TMC1: variants seen among roughly 807,000 people sequenced by gnomAD.
TMC1 encodes transmembrane channel like 1, also known as transmembrane channel-like protein 1.
Under a neutral mutation model 105.8 loss-of-function variants are expected in TMC1, and 84 were observed. The observed-to-expected ratio is 0.79, with a 90% CI of 0.67 to 0.95. TMC1 has a LOEUF of 0.95. Among genes scored for constraint, TMC1 ranks in the 40% least tolerant of loss-of-function variants. TMC1 has a pLI of 0.00. For missense variants in TMC1, 817 were observed against 914.1 expected (o/e 0.89, Z 1.37); for synonymous variants, 315 against 311.5 (o/e 1.01, Z -0.12).
chr9:72,562,978 T>C (rs995970500), intron 1 of TMC1, among the ~76,000 whole-genome samples: 5 of 151,878 alleles, frequency 3.3e-5, no homozygotes, highest in African/African-American at 9.7e-5. Context: ...TAAAATAAAA[T>C]AAAAAATAAA....
chr9:72,679,799 ATCTAT>A (rs1826258561), intron 5 of TMC1, among the ~76,000 whole-genome samples: 1 of 152,070 alleles, frequency 6.6e-6, no homozygotes, highest in African/African-American at 2.4e-5. Context: ...TAAGCTTTCA[ATCTAT>A]AGTAATGAAG....
At chr9:72,540,636 G>C (rs1243842358) in intron 1 of TMC1, among the ~76,000 whole-genome samples, 2 of 152,006 alleles carry the variant, frequency 1.3e-5, no homozygotes, top group Non-Finnish European at 2.9e-5. Context: ...TCGCGTGTTG[G>C]TAGTCATTTA....
rs150222590 is a variant in TMC1, at chr9:72,546,660, T to C, written c.-428+24747T>C. Among the ~76,000 whole-genome samples the C allele has an allele frequency of 9.8e-5, 15 of 152,356 alleles. No homozygotes were observed. The East Asian group carries it at 2.9e-3, about 29-fold the overall frequency. On this transcript the variant is annotated intron_variant, in intron 1 of 23. Coordinates refer to ENST00000297784, the MANE Select transcript of TMC1 (RefSeq NM_138691.3). ...ATTTTAAAACCTGCACACAAAATTT[T>C]AAAGACTGAACACAGAATTTTAAAG...
chr9:72,593,451 C>T (rs13284616), intron 2 of TMC1, among the ~76,000 whole-genome samples: 17,934 of 151,512 alleles, frequency 0.12, 1,346 homozygotes, highest in Middle Eastern at 0.19. Flanking sequence ...CAGGCTGGAG[C>T]GCAATGGCAT....
intron 1 of TMC1, among the ~76,000 whole-genome samples, chr9:72,543,579 T>G (rs757853406): frequency 1.3e-5 from 2 of 152,180 alleles, no homozygotes. Context: ...GGTCAGGAGT[T>G]TGAGATCAGC....
chr9:72,809,891 G>A (rs78737209), intron 18 of TMC1, among the ~76,000 whole-genome samples: 3,071 of 152,022 alleles, frequency 0.02, 47 homozygotes, highest in Non-Finnish European at 0.032. Context: ...ACAAGCTCCC[G>A]ATATAAATAG....
chr9:72,716,555 T>C (rs1390417780), intron 8 of TMC1, among the ~76,000 whole-genome samples: 1 of 152,148 alleles, frequency 6.6e-6, no homozygotes, highest in Admixed American at 6.5e-5. Flanking sequence ...CAACTTTGTG[T>C]ACACTGTGAG....
intron 20 of TMC1, among the ~76,000 whole-genome samples, chr9:72,823,861 A>AGATGTGTTTATGCTAG (rs759009314): frequency 3.0e-4 from 45 of 152,378 alleles, no homozygotes; most frequent in Middle Eastern, 3.4e-3. Flanking sequence ...TAGAAAACCT[A>AGATGTGTTTATGCTAG]AACATTGTAG....
intron 1 of TMC1, among the ~76,000 whole-genome samples, chr9:72,561,709 G>A (rs1463282745): frequency 6.6e-6 from 1 of 152,196 alleles, no homozygotes; most frequent in Non-Finnish European, 1.5e-5. Context: ...AGCAGAGGTA[G>A]TGAGTTCAGA....
chr9:72,523,880 A>T (rs1026483976), intron 1 of TMC1, among the ~76,000 whole-genome samples: 3 of 152,194 alleles, frequency 2.0e-5, no homozygotes, highest in Non-Finnish European at 4.4e-5. Context: ...TATTAAAAGA[A>T]CTCAAAGCCG....
chr9:72,583,703 T>C (rs1824507441), intron 2 of TMC1, among the ~76,000 whole-genome samples: 1 of 152,230 alleles, frequency 6.6e-6, no homozygotes, highest in Admixed American at 6.5e-5. Flanking sequence ...AGAGCCAAAC[T>C]TGTAGCCCAA....
intron 13 of TMC1, among the ~76,000 whole-genome samples, chr9:72,785,666 T>A (rs1828157930): frequency 6.6e-6 from 1 of 152,174 alleles, no homozygotes; most frequent in Non-Finnish European, 1.5e-5. Context: ...TACTATTGTA[T>A]CCACAGGATG....
At chr9:72,575,379 C>T (rs899799335) in intron 1 of TMC1, among the ~76,000 whole-genome samples, 1 of 152,094 alleles carries the variant, frequency 6.6e-6, no homozygotes, top group Non-Finnish European at 1.5e-5. Flanking sequence ...CGGGGTTTCA[C>T]CATATTGGCC....
chr9:72,830,696 T>C lies in TMC1; in HGVS notation c.2260+14T>C. ...CTGCACGAGCAGGTTGGAGATACGTTTATGTTTGTAATGTTTGTAATTTTT... is the reference window on the plus strand; with the variant it reads ...CTGCACGAGCAGGTTGGAGATACGTCTATGTTTGTAATGTTTGTAATTTTT... On this transcript the variant is annotated intron_variant, in intron 23 of 23. Transcript: ENST00000297784. 2.5e-6 allele frequency: 4 copies of C among 1,610,224 alleles called. No homozygotes were observed. Among genetic ancestry groups the C allele is most frequent in the Non-Finnish European group, 3.4e-6 (4 of 1,177,918 alleles).
At chr9:72,804,308 T>G (rs768629442) in intron 17 of TMC1, among the ~76,000 whole-genome samples, 1 of 152,106 alleles carries the variant, frequency 6.6e-6, no homozygotes, top group Admixed American at 6.5e-5. Context: ...GATGGATTGA[T>G]AGGTGCAGCA....
intron 8 of TMC1, among the ~76,000 whole-genome samples, chr9:72,707,218 A>G (rs1290651500): frequency 6.6e-6 from 1 of 152,200 alleles, no homozygotes; most frequent in Non-Finnish European, 1.5e-5. Flanking sequence ...TGCTATAAAC[A>G]TGCATGTGTA....
chr9:72,594,871 T>TC (rs397807209), intron 2 of TMC1, among the ~76,000 whole-genome samples: 17 of 140,050 alleles, frequency 1.2e-4, no homozygotes, highest in Admixed American at 3.5e-4. Context: ...TTCTTCTTCT[T>TC]TTTTTTTTTT....
At chr9:72,603,672 G>A (rs1177617843) in intron 2 of TMC1, among the ~76,000 whole-genome samples, 1 of 151,474 alleles carries the variant, frequency 6.6e-6, no homozygotes, top group Non-Finnish European at 1.5e-5. Flanking sequence ...GCCGCAGCCT[G>A]CTGAGTAGCT....
At chr9:72,815,637 T>A (rs548604399) in intron 18 of TMC1, among the ~76,000 whole-genome samples, 3 of 152,316 alleles carry the variant, frequency 2.0e-5, no homozygotes, top group African/African-American at 7.2e-5. Context: ...TACATAAATA[T>A]TCTTTCAAAA....
Sources: allele counts gnomAD v4.1 joint callset (sites outside exome capture counted in the v4.1 genomes callset), GRCh38; gene constraint gnomAD v4.1.1; transcripts MANE v1.5; gene names NCBI Gene and HGNC (gene_info 2026-07-23, HGNC 2026-07-21).